The following HMCN1 variants were observed in gnomAD, a reference collection of about 807,000 sequenced individuals.
HMCN1 encodes hemicentin-1.
In HMCN1, 321 loss-of-function variants were observed where a neutral mutation model predicts 625.9. The ratio of observed to expected loss-of-function variants is 0.51; its 90% CI spans 0.47 to 0.56. HMCN1 has a LOEUF of 0.56. Ranked by LOEUF, HMCN1 falls within the 20% of genes least tolerant of loss-of-function variation. HMCN1 has a pLI of 0.00. For synonymous variants in HMCN1, 2,425 were observed against 2,417.6 expected, an observed-to-expected ratio of 1.00 and a Z score of -0.09; for missense variants, 6,588 against 6,887.3, an observed-to-expected ratio of 0.96 and a Z score of 1.54.
intron 16 of HMCN1, 196 bp downstream of exon 16, chr1:185,978,177 G>T (rs1651362563): frequency 1.9e-6 from 1 of 539,644 alleles, no homozygotes; most frequent in Non-Finnish European, 3.3e-6. Flanking sequence ...TTATTCAAAT[G>T]TATGTCATTA....
intron 96 of HMCN1, 37 bp downstream of exon 96, chr1:186,152,908 A>C: frequency 6.2e-7 from 1 of 1,611,900 alleles, no homozygotes; most frequent in Non-Finnish European, 8.5e-7. Context: ...GCTGCTTATT[A>C]GAGTAATGAT....
rs983001616 is a variant in HMCN1, at chr1:186,011,001, T to A, written c.4630+3719T>A. On this transcript the variant is annotated intron_variant, in intron 30 of 106. Coordinates refer to ENST00000271588, the MANE Select transcript of HMCN1 (RefSeq NM_031935.3). Reference sequence around the variant, plus strand: ...CATTTGAAGTTAGTATTCTCTATCATCAAAATCAATTGCAAATGTTCATCT... The same window carrying A: ...CATTTGAAGTTAGTATTCTCTATCAACAAAATCAATTGCAAATGTTCATCT... 3.3e-5 allele frequency among the ~76,000 whole-genome samples: 5 copies of A among 151,522 alleles called. No homozygotes were observed. The East Asian group carries it at 9.7e-4, about 29-fold the overall frequency.
chr1:186,092,100 T>C (rs2102414158), intron 64 of HMCN1, among the ~76,000 whole-genome samples: 1 of 152,038 alleles, frequency 6.6e-6, no homozygotes, highest in East Asian at 1.9e-4. Context: ...TTATATAAGA[T>C]AGTATTCATA....
chr1:185,873,798 T>G (rs1024470475), intron 4 of HMCN1, among the ~76,000 whole-genome samples: 1 of 152,038 alleles, frequency 6.6e-6, no homozygotes, highest in Non-Finnish European at 1.5e-5. Flanking sequence ...ATAGTATTAT[T>G]TCTTTAATAA....
chr1:185,854,947 C>T (rs1019985701), intron 2 of HMCN1, among the ~76,000 whole-genome samples: 10 of 152,070 alleles, frequency 6.6e-5, no homozygotes, highest in African/African-American at 9.7e-5. Flanking sequence ...ATGTGCTAGA[C>T]GGCATGCAGA....
At chr1:185,958,543 G>T (rs1649783442) in intron 11 of HMCN1, among the ~76,000 whole-genome samples, 1 of 152,086 alleles carries the variant, frequency 6.6e-6, no homozygotes, top group African/African-American at 2.4e-5. Context: ...ACTTTATTTG[G>T]TCATGCTTTG....
intron 4 of HMCN1, 145 bp downstream of exon 4, chr1:185,866,008 A>G (rs543436447): frequency 1.4e-6 from 1 of 727,722 alleles, no homozygotes; most frequent in Non-Finnish European, 2.3e-6. Context: ...AAGGCATTGA[A>G]TAATGTGAAG....
chr1:186,082,968 G>A lies in HMCN1; in HGVS notation c.8884+7G>A. 6.4e-7 allele frequency: 1 copy of A among 1,550,888 alleles called. No homozygotes were observed. Among genetic ancestry groups the A allele is most frequent in the South Asian group, 1.2e-5 (1 of 84,692 alleles). On this transcript the variant is annotated splice_region_variant and intron_variant, in intron 57 of 106. Transcript: ENST00000271588. ...TTTAACCTCAATGTTCATGGTAAGA[G>A]CTCAGTTCCAAAACCATCTGTTAGG...
intron 36 of HMCN1, among the ~76,000 whole-genome samples, chr1:186,034,299 C>G (rs1424120738): frequency 1.3e-5 from 2 of 152,130 alleles, no homozygotes; most frequent in Non-Finnish European, 2.9e-5. Context: ...TTAATATTAA[C>G]CCAGTCAGGC....
chr1:186,150,721 C>A lies in HMCN1; in HGVS notation c.14609-479C>A, dbSNP rs78138410. 2.7e-3 allele frequency among the ~76,000 whole-genome samples: 409 copies of A among 152,190 alleles called. 2 individuals are homozygous for A. Among genetic ancestry groups the A allele is most frequent in the African/African-American group, 9.0e-3 (373 of 41,546 alleles). Reference sequence around the variant, plus strand: ...GTTTGATGCCAAGCAGATCCACATTCAGATCCTCATTCCGCCACTGTCTAG... The same window carrying A: ...GTTTGATGCCAAGCAGATCCACATTAAGATCCTCATTCCGCCACTGTCTAG... On this transcript the variant is annotated intron_variant, in intron 93 of 106. Transcript: ENST00000271588.
intron 1 of HMCN1, among the ~76,000 whole-genome samples, chr1:185,814,179 T>C (rs1023543424): frequency 4.6e-5 from 7 of 152,148 alleles, no homozygotes; most frequent in Non-Finnish European, 7.4e-5. Flanking sequence ...GCCTTCACAA[T>C]CGAGTCTTCT....
chr1:186,183,862 C>T (rs1236401243), intron 105 of HMCN1, among the ~76,000 whole-genome samples: 2 of 152,072 alleles, frequency 1.3e-5, no homozygotes, highest in East Asian at 3.9e-4. Context: ...CCACTTTTCC[C>T]CAGTTCTTCA....
chr1:185,897,649 C>A (rs1284933109), intron 4 of HMCN1, among the ~76,000 whole-genome samples: 2 of 152,204 alleles, frequency 1.3e-5, no homozygotes, highest in Non-Finnish European at 2.9e-5. Flanking sequence ...TATGCCTGGT[C>A]ACCTTTCCAG....
At chr1:185,755,058 G>C (rs920399797) in intron 1 of HMCN1, among the ~76,000 whole-genome samples, 4 of 151,848 alleles carry the variant, frequency 2.6e-5, no homozygotes, top group Non-Finnish European at 5.9e-5. Flanking sequence ...AATATATAAA[G>C]TGCTTAGACT....
intron 36 of HMCN1, among the ~76,000 whole-genome samples, chr1:186,029,422 C>T (rs1474871216): frequency 6.6e-6 from 1 of 152,066 alleles, no homozygotes; most frequent in Non-Finnish European, 1.5e-5. Context: ...GAAGATTCAT[C>T]CTTTTGGAGT....
chr1:185,962,573 G>C lies in HMCN1; in HGVS notation c.1884G>C (p.Glu628Asp). 6.2e-7 allele frequency: 1 copy of C among 1,609,390 alleles called. No individual in the cohort carries two copies. The highest frequency in any genetic ancestry group is 8.5e-7 in the Non-Finnish European group (1 of 1,175,772). The change falls in exon 12 of 107, where the codon GAG (glutamate) becomes GAC (aspartate). Residue 628 changes from glutamate to aspartate, a missense_variant. Glu to Asp is a conservative substitution (Grantham distance 45). Transcript: ENST00000271588. Reference protein sequence around the residue: ...PKNQSFTGGSEVSIMCSATGY... With the variant: ...PKNQSFTGGSDVSIMCSATGY... ...ATCAGTCTTTCACAGGAGGGTCTGAGGTCTCCATCATGTGTTCTGCAACAG... is the reference window on the plus strand; with the variant it reads ...ATCAGTCTTTCACAGGAGGGTCTGACGTCTCCATCATGTGTTCTGCAACAG...
intron 22 of HMCN1, among the ~76,000 whole-genome samples, chr1:185,991,646 C>G (rs1487286321): frequency 1.3e-5 from 2 of 151,932 alleles, no homozygotes; most frequent in African/African-American, 4.8e-5. Flanking sequence ...CTGCTACATG[C>G]ATATTCTACA....
At chr1:185,891,477 C>T (rs1196721299) in intron 4 of HMCN1, among the ~76,000 whole-genome samples, 2 of 148,064 alleles carry the variant, frequency 1.4e-5, no homozygotes, top group Non-Finnish European at 2.9e-5. Flanking sequence ...TTTAGTGCTT[C>T]CTTCAGGAGC....
intron 14 of HMCN1, among the ~76,000 whole-genome samples, chr1:185,969,957 T>C (rs1291481173): frequency 6.6e-6 from 1 of 152,168 alleles, no homozygotes; most frequent in Non-Finnish European, 1.5e-5. Flanking sequence ...ATTCCTCTGG[T>C]CTCTCAAACA....
Sources: allele counts gnomAD v4.1 joint callset (sites outside exome capture counted in the v4.1 genomes callset), GRCh38; gene constraint gnomAD v4.1.1; transcripts MANE v1.5; gene names NCBI Gene and HGNC (gene_info 2026-07-23, HGNC 2026-07-21).